MYO5A: variants seen among roughly 807,000 people sequenced by gnomAD.
MYO5A encodes unconventional myosin-Va.
In MYO5A, 98 loss-of-function variants were observed where a neutral mutation model predicts 249.7. The observed-to-expected ratio is 0.39, with a 90% confidence interval of 0.33 to 0.46. MYO5A has a LOEUF of 0.46. Among genes scored for constraint, MYO5A ranks in the 20% least tolerant of loss-of-function variants. MYO5A has a pLI of 0.98. For synonymous variants in MYO5A, 778 were observed against 810.6 expected (o/e 0.96, Z 0.68); for missense variants, 1,696 against 2,308.8 (o/e 0.73, Z 5.44).
chr15:52,407,955 A>C (rs1041435172), intron 7 of MYO5A, 104 bp downstream of exon 7: 3 of 799,238 alleles, frequency 3.8e-6, no homozygotes, highest in East Asian at 2.5e-5. Flanking sequence ...ATTATCCATA[A>C]GTATTCCAAC....
chr15:52,382,048 G>A (rs1035366886), intron 16 of MYO5A, among the ~76,000 whole-genome samples: 2 of 151,320 alleles, frequency 1.3e-5, no homozygotes, highest in Non-Finnish European at 1.5e-5. Flanking sequence ...GATTACAGGC[G>A]CCCGCCACTA....
chr15:52,351,996 A>T (rs1163928659), intron 27 of MYO5A, among the ~76,000 whole-genome samples: 3 of 152,366 alleles, frequency 2.0e-5, no homozygotes, highest in Non-Finnish European at 1.5e-5. Context: ...AAAGTTTACC[A>T]TCTCATTCAA....
In MYO5A at chr15:52,384,148, T is replaced by C. The variant is rs1405199803; in HGVS notation, c.1914+13A>G. ...AAGGAAGGAGCGTGGCAGCGGCAGC[T>C]CCCTGAACTCACCTGATGCCCCACT... is the stretch of plus-strand genomic sequence containing the variant. On this transcript the variant is annotated intron_variant, in intron 15 of 41. Coordinates refer to ENST00000399233, the MANE Select transcript of MYO5A (RefSeq NM_001382347.1). 6.2e-7 allele frequency: 1 copy of C among 1,614,008 alleles called. No homozygotes were observed. Among genetic ancestry groups the C allele is most frequent in the Non-Finnish European group, 8.5e-7 (1 of 1,179,966 alleles).
At chr15:52,349,209 C>T (rs1314919647) in intron 28 of MYO5A, among the ~76,000 whole-genome samples, 1 of 152,128 alleles carries the variant, frequency 6.6e-6, no homozygotes, top group Non-Finnish European at 1.5e-5. Context: ...GTCGTTTGTC[C>T]AAGGGAAGAT....
intron 1 of MYO5A, among the ~76,000 whole-genome samples, chr15:52,514,633 T>C (rs2077460981): frequency 6.6e-6 from 1 of 152,178 alleles, no homozygotes; most frequent in Non-Finnish European, 1.5e-5. Context: ...ATGAAGAGCC[T>C]GTGTACTACA....
intron 1 of MYO5A, among the ~76,000 whole-genome samples, chr15:52,496,697 C>T (rs1427167654): frequency 6.6e-6 from 1 of 152,160 alleles, no homozygotes; most frequent in Non-Finnish European, 1.5e-5. Context: ...TCCCATAACA[C>T]CTTAGTAGAC....
At chr15:52,327,076 CAG>C (rs1186096424) in intron 36 of MYO5A, among the ~76,000 whole-genome samples, 2 of 152,086 alleles carry the variant, frequency 1.3e-5, no homozygotes, top group African/African-American at 2.4e-5. Flanking sequence ...TTTTAGGTAA[CAG>C]GGAAAATTAT....
Position 52,337,797 on chromosome 15 carries a change from T to C in MYO5A, c.4314+13A>G, listed in dbSNP as rs1201206673. On this transcript the variant is annotated intron_variant, in intron 33 of 41. Transcript: ENST00000399233. ...AAGGGAAGACAGCAGAAAAGCACTATGGTTTTACATACAATCATCCGTTTG... is the reference window on the plus strand; with the variant it reads ...AAGGGAAGACAGCAGAAAAGCACTACGGTTTTACATACAATCATCCGTTTG... 53 of 1,523,152 alleles carry C rather than the reference T, an allele frequency of 3.5e-5. No individual in the cohort carries two copies. Among genetic ancestry groups the C allele is most frequent in the Non-Finnish European group, 4.2e-5 (47 of 1,124,474 alleles). The allele number at this position is 1,523,152 out of a possible 1,614,324, so 94.4% of individuals were successfully genotyped here.
chr15:52,309,688 C>A lies in MYO5A; in HGVS notation c.*4008G>T, dbSNP rs1346477943. On this transcript the variant is annotated 3_prime_UTR_variant, in exon 42 of 42. Transcript: ENST00000399233. ...GAAACGAGGTAACAGAGGAAAGCGCCGCAGGAAAGCATATCTGGACCCAGG... is the reference window on the plus strand; with the variant it reads ...GAAACGAGGTAACAGAGGAAAGCGCAGCAGGAAAGCATATCTGGACCCAGG... 1 of 152,216 alleles carries A rather than the reference C, an allele frequency of 6.6e-6. No homozygotes were observed. The highest frequency in any genetic ancestry group is 2.1e-4 in the South Asian group (1 of 4,828). The allele number at this position is 152,216 out of a possible 1,614,324, so 9.4% of individuals were successfully genotyped here. A position where few individuals can be genotyped will look rare whatever the true frequency, so the allele number is the denominator to read the frequency against.
intron 1 of MYO5A, among the ~76,000 whole-genome samples, chr15:52,514,794 G>A (rs1334496894): frequency 6.6e-6 from 1 of 152,140 alleles, no homozygotes; most frequent in Non-Finnish European, 1.5e-5. Context: ...CCAAAGTTCA[G>A]GAAGCATTAC....
At chr15:52,400,795 G>C (rs1323229415) in intron 9 of MYO5A, among the ~76,000 whole-genome samples, 1 of 152,174 alleles carries the variant, frequency 6.6e-6, no homozygotes, top group Non-Finnish European at 1.5e-5. Context: ...TTAAGGGAAT[G>C]TCTGCCAGGT....
In MYO5A at chr15:52,370,151, T is replaced by C. The variant is rs1452079459; in HGVS notation, c.3066+18A>G. 9.3e-6 allele frequency: 15 copies of C among 1,613,892 alleles called. No homozygotes were observed. The highest frequency in any genetic ancestry group is 1.2e-5 in the Non-Finnish European group (14 of 1,179,870). On this transcript the variant is annotated intron_variant, in intron 22 of 41. Transcript: ENST00000399233. ...CTTTTGTGTACGGAGTAGATGGGGA[T>C]ATGGACATTATTCCTACCTGCTCTG... is the stretch of plus-strand genomic sequence containing the variant.
intron 4 of MYO5A, among the ~76,000 whole-genome samples, chr15:52,421,396 G>T (rs1331220901): frequency 6.6e-6 from 1 of 152,168 alleles, no homozygotes; most frequent in African/African-American, 2.4e-5. Flanking sequence ...TAATGATGAT[G>T]ACTATGATGA....
chr15:52,327,076 C>T (rs563439022), intron 36 of MYO5A, among the ~76,000 whole-genome samples: 2 of 152,086 alleles, frequency 1.3e-5, no homozygotes, highest in Non-Finnish European at 2.9e-5. Context: ...TTTTAGGTAA[C>T]AGGGAAAATT....
At chr15:52,476,931 T>C (rs2076607470) in intron 1 of MYO5A, among the ~76,000 whole-genome samples, 1 of 152,240 alleles carries the variant, frequency 6.6e-6, no homozygotes, top group Admixed American at 6.5e-5. Context: ...TGAATTTGAA[T>C]GTTGGCCTGC....
intron 4 of MYO5A, among the ~76,000 whole-genome samples, chr15:52,420,986 C>T (rs1272072136): frequency 6.6e-6 from 1 of 152,094 alleles, no homozygotes; most frequent in East Asian, 1.9e-4. Flanking sequence ...TGATCTGCTC[C>T]AGGGATATAA....
At chr15:52,504,922 G>A (rs1205752798) in intron 1 of MYO5A, among the ~76,000 whole-genome samples, 1 of 151,832 alleles carries the variant, frequency 6.6e-6, no homozygotes, top group Non-Finnish European at 1.5e-5. Flanking sequence ...AGTCTGACAG[G>A]TAGGTTAAAC....
intron 40 of MYO5A, among the ~76,000 whole-genome samples, 179 bp from the exon 41 acceptor site, chr15:52,314,382 G>A (rs549958614): frequency 3.9e-5 from 6 of 152,354 alleles, no homozygotes; most frequent in Admixed American, 3.3e-4. Flanking sequence ...ATTTTTACAA[G>A]AGAATGTATC....
chr15:52,488,913 G>C (rs2076879131), intron 1 of MYO5A, among the ~76,000 whole-genome samples: 2 of 152,178 alleles, frequency 1.3e-5, no homozygotes, highest in Non-Finnish European at 2.9e-5. Flanking sequence ...GGAAAGATGA[G>C]ATAAATCAGT....
Sources: allele counts gnomAD v4.1 joint callset (sites outside exome capture counted in the v4.1 genomes callset), GRCh38; gene constraint gnomAD v4.1.1; transcripts MANE v1.5; gene names NCBI Gene and HGNC (gene_info 2026-07-23, HGNC 2026-07-21).